The following MGMT variants were observed in gnomAD, a reference collection of about 807,000 sequenced individuals.
MGMT encodes the protein methylated-DNA--protein-cysteine methyltransferase.
Under a neutral mutation model 15.9 loss-of-function variants are expected in MGMT, and 14 were observed. The ratio of observed to expected loss-of-function variants is 0.88; its 90% CI spans 0.58 to 1.37. MGMT has a LOEUF of 1.37. Among genes scored for constraint, MGMT ranks in the 40% most tolerant of loss-of-function variants. The pLI, the probability that MGMT is intolerant of heterozygous loss-of-function variation, is 0.00. For synonymous variants in MGMT, 130 were observed against 118.2 expected, an observed-to-expected ratio of 1.10 and a Z score of -0.65; for missense variants, 282 against 268.1, an observed-to-expected ratio of 1.05 and a Z score of -0.36.
chr10:129,527,286 T>C (rs147849798), intron 1 of MGMT, among the ~76,000 whole-genome samples: 45 of 151,188 alleles, frequency 3.0e-4, no homozygotes, highest in African/African-American at 1.1e-3. Flanking sequence ...CATGCCCTGT[T>C]ACAGCTTTTG....
At chr10:129,739,214 C>T (rs954578841) in intron 3 of MGMT, among the ~76,000 whole-genome samples, 1 of 152,122 alleles carries the variant, frequency 6.6e-6, no homozygotes, top group South Asian at 2.1e-4. Flanking sequence ...ATGGGCAAAA[C>T]TGGAAACATT....
chr10:129,476,751 A>C (rs1425782275), intron 1 of MGMT, among the ~76,000 whole-genome samples: 1 of 152,054 alleles, frequency 6.6e-6, no homozygotes, highest in Non-Finnish European at 1.5e-5. Context: ...GTGTCCTGCT[A>C]CAAGGGGCCG....
At chr10:129,711,537 A>G (rs1848232820) in intron 3 of MGMT, among the ~76,000 whole-genome samples, 1 of 152,198 alleles carries the variant, frequency 6.6e-6, no homozygotes, top group African/African-American at 2.4e-5. Flanking sequence ...GATTAAGAGG[A>G]AAGCTGAGCT....
intron 3 of MGMT, among the ~76,000 whole-genome samples, chr10:129,722,005 T>C (rs1039291527): frequency 6.6e-6 from 1 of 152,112 alleles, no homozygotes; most frequent in Non-Finnish European, 1.5e-5. Flanking sequence ...CCAGAGCCTG[T>C]TATATATTTT....
chr10:129,742,862 G>A (rs1382439599), intron 3 of MGMT, among the ~76,000 whole-genome samples: 8 of 151,346 alleles, frequency 5.3e-5, no homozygotes. Flanking sequence ...GACTGCAGTG[G>A]CCCATGCTCA....
At chr10:129,580,148 G>T (rs577661380) in intron 2 of MGMT, among the ~76,000 whole-genome samples, 1 of 152,184 alleles carries the variant, frequency 6.6e-6, no homozygotes, top group African/African-American at 2.4e-5. Flanking sequence ...GTGTGTTGCC[G>T]TCTCAGCAGG....
At chr10:129,574,303 G>T (rs1483651282) in intron 2 of MGMT, among the ~76,000 whole-genome samples, 1 of 152,198 alleles carries the variant, frequency 6.6e-6, no homozygotes. Flanking sequence ...ACTGGTCTCA[G>T]CATGGCCTAT....
chr10:129,704,101 A>G (rs1030342934), intron 2 of MGMT, among the ~76,000 whole-genome samples: 4 of 152,248 alleles, frequency 2.6e-5, no homozygotes, highest in Admixed American at 6.5e-5. Flanking sequence ...CTTCTTAGAT[A>G]GCATCAGTAC....
intron 2 of MGMT, among the ~76,000 whole-genome samples, chr10:129,591,144 C>T (rs1846679413): frequency 1.3e-5 from 2 of 152,106 alleles, no homozygotes; most frequent in Admixed American, 1.3e-4. Context: ...GTGACAGTGC[C>T]CCCAGGAGAA....
At chr10:129,638,464 A>AAAAAAAAC (rs1445336706) in intron 2 of MGMT, among the ~76,000 whole-genome samples, 1 of 150,084 alleles carries the variant, frequency 6.7e-6, no homozygotes, top group Admixed American at 6.6e-5. Context: ...AAAGAAAAAT[A>AAAAAAAAC]ACTGACGTCT....
chr10:129,575,000 C>T (rs922307862), intron 2 of MGMT, among the ~76,000 whole-genome samples: 31 of 152,160 alleles, frequency 2.0e-4, no homozygotes, highest in African/African-American at 5.3e-4. Flanking sequence ...ACTGCCTGGC[C>T]GCTGTGTGAT....
chr10:129,580,356 G>A (rs1395185271), intron 2 of MGMT, among the ~76,000 whole-genome samples: 1 of 152,174 alleles, frequency 6.6e-6, no homozygotes. Context: ...TGAGGGATAG[G>A]CATTACGATT....
In MGMT at chr10:129,502,014, G is replaced by A. The variant is rs1845579465; in HGVS notation, c.-12-34227G>A. Among the ~76,000 whole-genome samples, 3 of 152,358 alleles carry A rather than the reference G, an allele frequency of 2.0e-5. No individual in the cohort carries two copies. The South Asian group carries it at 6.2e-4, about 32-fold the overall frequency. Reference sequence around the variant, plus strand: ...GTGATACTGGGACAGCTGTGGGATGGGATGGGCGCAGCCTGTGGCATCAAG... The same window carrying A: ...GTGATACTGGGACAGCTGTGGGATGAGATGGGCGCAGCCTGTGGCATCAAG... On this transcript the variant is annotated intron_variant, in intron 1 of 4. Coordinates refer to ENST00000651593, the MANE Select transcript of MGMT (RefSeq NM_002412.5).
At chr10:129,548,695 G>T (rs1258870067) in intron 2 of MGMT, among the ~76,000 whole-genome samples, 1 of 152,244 alleles carries the variant, frequency 6.6e-6, no homozygotes, top group Non-Finnish European at 1.5e-5. Flanking sequence ...GGCCGTGCAG[G>T]GTGCTGGGGG....
At chr10:129,557,034 G>A (rs973272944) in intron 2 of MGMT, among the ~76,000 whole-genome samples, 31 of 152,176 alleles carry the variant, frequency 2.0e-4, no homozygotes, top group African/African-American at 7.0e-4. Context: ...AGTCAGACTC[G>A]CTTCGCCCTC....
intron 2 of MGMT, among the ~76,000 whole-genome samples, chr10:129,702,622 G>A (rs1368375507): frequency 6.6e-6 from 1 of 152,170 alleles, no homozygotes; most frequent in African/African-American, 2.4e-5. Flanking sequence ...ACAGGAAGGG[G>A]CTGAGGTACC....
intron 3 of MGMT, among the ~76,000 whole-genome samples, chr10:129,737,792 G>C (rs1263325361): frequency 6.6e-6 from 1 of 152,204 alleles, no homozygotes; most frequent in African/African-American, 2.4e-5. Flanking sequence ...CTCAGCTGCA[G>C]GTCTGTTGGA....
chr10:129,584,880 C>G (rs561137488), intron 2 of MGMT, among the ~76,000 whole-genome samples: 1 of 152,184 alleles, frequency 6.6e-6, no homozygotes, highest in Non-Finnish European at 1.5e-5. Flanking sequence ...TTGATCTATA[C>G]ATCAGTTAAG....
intron 3 of MGMT, among the ~76,000 whole-genome samples, chr10:129,753,653 A>C (rs1848773763): frequency 6.6e-6 from 1 of 151,998 alleles, no homozygotes; most frequent in South Asian, 2.1e-4. Flanking sequence ...TAAATTTTCT[A>C]CTTTATTATT....
Sources: allele counts gnomAD v4.1 joint callset (sites outside exome capture counted in the v4.1 genomes callset), GRCh38; gene constraint gnomAD v4.1.1; transcripts MANE v1.5; gene names NCBI Gene and HGNC (gene_info 2026-07-23, HGNC 2026-07-21).